Variants in UPP2 observed in about 807,000 individuals in gnomAD.
UPP2 encodes uridine phosphorylase 2, also known as UPase 2.
In UPP2, 23 loss-of-function variants were observed where a neutral mutation model predicts 26.7. The observed-to-expected ratio is 0.86, with a 90% confidence interval of 0.62 to 1.22. UPP2 has a LOEUF of 1.22. Ranked by LOEUF, UPP2 falls within the 50% of genes most tolerant of loss-of-function variation. The pLI, the probability that UPP2 is intolerant of heterozygous loss-of-function variation, is 0.00. For synonymous variants in UPP2, 127 were observed against 141.3 expected (o/e 0.90, Z 0.72); for missense variants, 387 against 396.7 (o/e 0.98, Z 0.21).
Position 158,121,751 on chromosome 2 carries a change from C to A in UPP2, c.664+133C>A, listed in dbSNP as rs1052103794. On this transcript the variant is annotated intron_variant, in intron 5 of 6. Transcript: ENST00000005756. ...GTGGGTTAAAAAGGAAATGAAACAG[C>A]CTTTTTTACTTACTAAAGCATAGAA... 1.3e-5 allele frequency: 10 copies of A among 788,530 alleles called. No homozygotes were observed. In the East Asian group the frequency reaches 2.7e-4, roughly 21 times the overall value. The allele number at this position is 788,530 out of a possible 1,614,324, so 48.8% of individuals were successfully genotyped here. A position where few individuals can be genotyped will look rare whatever the true frequency, so the allele number is the denominator to read the frequency against.
chr2:158,015,713 G>A (rs1341418931), intron 2 of UPP2: 2 of 437,312 alleles, frequency 4.6e-6, no homozygotes, highest in Non-Finnish European at 9.1e-6. Context: ...TCTTGTGATA[G>A]TGAGCTCTCA....
chr2:158,103,395 T>C (rs1683116830), intron 1 of UPP2, among the ~76,000 whole-genome samples: 1 of 152,130 alleles, frequency 6.6e-6, no homozygotes. Context: ...GAAGTGTGTG[T>C]ATAGATGAGT....
rs577012059 is a variant in UPP2 at position 158,080,101 on chromosome 2, C to T, written c.148-21939C>T. 1.2e-3 allele frequency among the ~76,000 whole-genome samples: 177 copies of T among 152,222 alleles called. 1 individual carries two copies. The highest frequency in any genetic ancestry group is 4.1e-3 in the African/African-American group (169 of 41,538). On this transcript the variant is annotated intron_variant, in intron 3 of 9. Coordinates refer to the UPP2 transcript ENST00000605860. ...TAAGAGATTTGTGTTCCATGAGCCA[C>T]ACACCATTTCATGCTTCTTTAATTA...
intron 3 of UPP2, among the ~76,000 whole-genome samples, chr2:158,083,862 G>A (rs77373443): frequency 0.038 from 5,232 of 136,032 alleles, 165 homozygotes; most frequent in East Asian, 0.16. Flanking sequence ...ATATATATAT[G>A]TTTTTTATAT....
intron 3 of UPP2, among the ~76,000 whole-genome samples, chr2:158,117,548 C>T (rs1445860619): frequency 1.3e-5 from 2 of 151,934 alleles, no homozygotes; most frequent in Non-Finnish European, 2.9e-5. Flanking sequence ...CACCTGTATA[C>T]CACACCATCC....
At chr2:158,115,906 T>C (rs1683420137) in intron 3 of UPP2, among the ~76,000 whole-genome samples, 1 of 152,190 alleles carries the variant, frequency 6.6e-6, no homozygotes, top group African/African-American at 2.4e-5. Context: ...CAGGGCTGTA[T>C]TCTGAAGCAA....
intron 3 of UPP2, among the ~76,000 whole-genome samples, chr2:158,042,759 C>T (rs1684098588): frequency 6.6e-6 from 1 of 152,146 alleles, no homozygotes; most frequent in African/African-American, 2.4e-5. Context: ...CCAAGGAGGA[C>T]ACTGGGTGGC....
intron 4 of UPP2, 49 bp from the exon 5 acceptor site, chr2:158,121,360 G>A: frequency 6.5e-7 from 1 of 1,543,906 alleles, no homozygotes; most frequent in Non-Finnish European, 9.0e-7. Context: ...TGTGTCAAAA[G>A]TAAACTCTAA....
chr2:158,087,363 T>G (rs564333659), intron 3 of UPP2, among the ~76,000 whole-genome samples: 99 of 152,304 alleles, frequency 6.5e-4, no homozygotes, highest in African/African-American at 2.2e-3. Flanking sequence ...CCCCTTTACC[T>G]TAAGTTTATG....
chr2:158,121,187 T>G lies in UPP2; in HGVS notation c.455-222T>G, dbSNP rs151002132. On this transcript the variant is annotated intron_variant, in intron 4 of 6. Transcript: ENST00000005756. ...TCCAAGAGTCATGTTTGTCTTGAAATCTAAACCCCATCACATTGTAAATGT... is the reference window on the plus strand; with the variant it reads ...TCCAAGAGTCATGTTTGTCTTGAAAGCTAAACCCCATCACATTGTAAATGT... Among the ~76,000 whole-genome samples, 435 of 152,090 alleles carry G rather than the reference T, an allele frequency of 2.9e-3. 3 individuals carry two copies. The highest frequency in any genetic ancestry group is 0.014 in the Middle Eastern group (4 of 294).
intron 3 of UPP2, among the ~76,000 whole-genome samples, chr2:158,046,003 C>T (rs1684147902): frequency 6.6e-6 from 1 of 152,120 alleles, no homozygotes; most frequent in Admixed American, 6.5e-5. Context: ...ATCATATAAG[C>T]TCCAATCTGC....
At chr2:158,077,662 G>A (rs184162896) in intron 3 of UPP2, among the ~76,000 whole-genome samples, 15 of 152,088 alleles carry the variant, frequency 9.9e-5, no homozygotes, top group East Asian at 5.8e-4. Context: ...GACTTAAATC[G>A]AAGACCTAAA....
chr2:158,065,832 C>G, intron 3 of UPP2: 1 of 682,944 alleles, frequency 1.5e-6, no homozygotes, highest in Non-Finnish European at 2.7e-6. Flanking sequence ...TAAAGAACCT[C>G]ATTGTTGTAC....
chr2:158,013,879 T>C (rs1558903651), intron 2 of UPP2, among the ~76,000 whole-genome samples: 1 of 152,194 alleles, frequency 6.6e-6, no homozygotes, highest in African/African-American at 2.4e-5. Context: ...TGTGTTTACG[T>C]AGGAAAATCA....
chr2:158,034,628 T>C (rs1419366996), intron 3 of UPP2, among the ~76,000 whole-genome samples: 1 of 152,176 alleles, frequency 6.6e-6, no homozygotes, highest in Non-Finnish European at 1.5e-5. Flanking sequence ...TTGTCGTGTG[T>C]GTGTGCCTGA....
At chr2:158,040,708 G>A (rs1684071696) in intron 3 of UPP2, among the ~76,000 whole-genome samples, 1 of 152,266 alleles carries the variant, frequency 6.6e-6, no homozygotes, top group Middle Eastern at 3.4e-3. Flanking sequence ...ACAGAACCCT[G>A]CTTTCTGAAT....
chr2:158,074,034 T>G (rs1180038051), intron 3 of UPP2, among the ~76,000 whole-genome samples: 3 of 152,108 alleles, frequency 2.0e-5, no homozygotes, highest in African/African-American at 7.2e-5. Flanking sequence ...AAAAATTAGC[T>G]GGGTGTGGTG....
chr2:158,053,197 C>G (rs1682187795), intron 3 of UPP2, among the ~76,000 whole-genome samples: 1 of 152,038 alleles, frequency 6.6e-6, no homozygotes, highest in African/African-American at 2.4e-5. Context: ...TTTGGGAAGT[C>G]CTGATTTAGA....
At position 158,067,385 on chromosome 2, in the gene UPP2, AGAG is replaced by A. The variant is rs1418394707; in HGVS notation, c.148-34654_148-34652del. Among the ~76,000 whole-genome samples, 18 of 148,308 alleles carry A rather than the reference AGAG, an allele frequency of 1.2e-4. No homozygotes were observed. In the East Asian group the frequency reaches 3.5e-3, roughly 29 times the overall value. On this transcript the variant is annotated intron_variant, in intron 3 of 9. Transcript: ENST00000605860. ...CATTTATCATCAAAAAAAAAAAAAA[AGAG>A]AGAGAGAGAAAAAGAAACAAACCAA...
Sources: gnomAD v4.1 joint callset for allele counts (sites outside exome capture counted in the v4.1 genomes callset) on GRCh38, gnomAD v4.1.1 for gene constraint, MANE v1.5 for transcripts, NCBI Gene and HGNC (gene_info 2026-07-23, HGNC 2026-07-21) for gene names.